CR1: variants seen among roughly 807,000 people sequenced by gnomAD.
CR1 encodes complement receptor type 1.
In CR1, 116 loss-of-function variants were observed where a neutral mutation model predicts 187.3. That is an observed-to-expected ratio of 0.62 (90% CI 0.53 to 0.72). CR1 has a LOEUF of 0.72. CR1 is among the 30% of genes least tolerant of loss of function. CR1 has a pLI of 0.00. For synonymous variants in CR1, 576 were observed against 747.1 expected (o/e 0.77, Z 3.73); for missense variants, 1,731 against 2,110.7 (o/e 0.82, Z 3.52).
intron 5 of CR1, among the ~76,000 whole-genome samples, chr1:207,526,330 A>G (rs1272654892): frequency 3.8e-4 from 58 of 151,076 alleles, no homozygotes; most frequent in South Asian, 1.7e-3. Context: ...CTATTAGATG[A>G]GACATGGGCA....
chr1:207,515,048 T>C (rs894157066), intron 4 of CR1, among the ~76,000 whole-genome samples: 3 of 147,802 alleles, frequency 2.0e-5, no homozygotes, highest in African/African-American at 7.4e-5. Flanking sequence ...TATACTTATA[T>C]GTATATATGT....
intron 23 of CR1, 89 bp downstream of exon 23, chr1:207,564,323 A>T: frequency 6.3e-7 from 1 of 1,575,536 alleles, no homozygotes; most frequent in South Asian, 1.1e-5. Flanking sequence ...GCTTAAAAGA[A>T]AGACACACAC....
chr1:207,513,588 C>G (rs779815556), intron 4 of CR1, among the ~76,000 whole-genome samples: 2 of 152,212 alleles, frequency 1.3e-5, no homozygotes, highest in Non-Finnish European at 2.9e-5. Flanking sequence ...TGCTATAACC[C>G]TAGTCCAGAA....
intron 25 of CR1, among the ~76,000 whole-genome samples, chr1:207,568,351 G>GA (rs1660572779): frequency 9.1e-6 from 1 of 110,392 alleles, no homozygotes; most frequent in Non-Finnish European, 1.7e-5. Flanking sequence ...ATCTGACCTA[G>GA]AAAATCGGTG....
At chr1:207,619,376 C>CAAAAAAAAAAAAAAA (rs67078800) in intron 42 of CR1, among the ~76,000 whole-genome samples, 13 of 92,642 alleles carry the variant, frequency 1.4e-4, no homozygotes, top group East Asian at 3.3e-4. Flanking sequence ...CAGTGAGACT[C>CAAAAAAAAAAAAAAA]AAAAAAAAAA....
chr1:207,581,327 T>TATG (rs1660942192), intron 31 of CR1, among the ~76,000 whole-genome samples: 9 of 142,888 alleles, frequency 6.3e-5, no homozygotes, highest in African/African-American at 2.1e-4. Flanking sequence ...TACGTATACA[T>TATG]GTACATGTGT....
chr1:207,587,310 C>G, intron 33 of CR1, 76 bp from the exon 34 acceptor site: 1 of 1,285,760 alleles, frequency 7.8e-7, no homozygotes, highest in Non-Finnish European at 1.1e-6. Context: ...CACCTATCAG[C>G]TTAATTGAAG....
intron 29 of CR1, among the ~76,000 whole-genome samples, chr1:207,579,079 G>C (rs1345091939): frequency 6.6e-6 from 1 of 152,176 alleles, no homozygotes; most frequent in Non-Finnish European, 1.5e-5. Context: ...GTATAGATTA[G>C]GTTGATGTTA....
At chr1:207,630,496 A>AT in intron 45 of CR1, 21 bp from the exon 46 acceptor site, 8 of 1,491,094 alleles carry the variant, frequency 5.4e-6, no homozygotes, top group East Asian at 4.6e-5. Flanking sequence ...CAGTTTTTCT[A>AT]TTTTTTTCTC....
At chr1:207,576,656 A>T (rs1478449647) in intron 28 of CR1, among the ~76,000 whole-genome samples, 3 of 152,092 alleles carry the variant, frequency 2.0e-5, no homozygotes, top group Non-Finnish European at 4.4e-5. Flanking sequence ...TGTCTCTACA[A>T]AAAATACAAA....
In CR1 at chr1:207,567,924, C is replaced by T. The variant is rs761866338; in HGVS notation, c.4053C>T (p.Asp1351=). The T allele has an allele frequency of 4.3e-6, 7 of 1,610,538 alleles. 1 individual carries two copies. Among genetic ancestry groups the T allele is most frequent in the African/African-American group, 4.2e-5 (3 of 72,070 alleles). ...GAAAAGCAGTAAATTACACATGCGA[C>T]CCCCACCCAGACAGAGGGACGAGCT... is the stretch of plus-strand genomic sequence containing the variant. ...PFGKAVNYTC[D]PHPDRGTSFD... Residue 1351 remains aspartate, a synonymous_variant, in exon 25 of 47, where the codon GAC becomes GAT. Coordinates refer to ENST00000367049, the MANE Select transcript of CR1 (RefSeq NM_000651.6).
rs185035775 is a variant in CR1 at position 207,628,837 on chromosome 1, G to A, written c.7353-1680G>A. On this transcript the variant is annotated intron_variant, in intron 45 of 46. Coordinates refer to ENST00000367049, the MANE Select transcript of CR1 (RefSeq NM_000651.6). ...TGAACCAGTATCTTTCTAGAGAACC[G>A]TATGCAATCTCTACTTTTTTTACTC... Among the ~76,000 whole-genome samples the A allele has an allele frequency of 3.4e-4, 51 of 152,028 alleles. 1 individual carries two copies. The highest frequency in any genetic ancestry group is 1.2e-3 in the African/African-American group (48 of 41,466).
chr1:207,574,107 G>A (rs1660661172), intron 27 of CR1, among the ~76,000 whole-genome samples: 1 of 152,154 alleles, frequency 6.6e-6, no homozygotes, highest in Admixed American at 6.5e-5. Flanking sequence ...ACTCCAGCCT[G>A]GATGACAGAA....
intron 45 of CR1, among the ~76,000 whole-genome samples, chr1:207,624,905 A>C (rs534215177): frequency 6.6e-6 from 1 of 152,292 alleles, no homozygotes; most frequent in Admixed American, 6.5e-5. Context: ...AGTTAAAACC[A>C]CACAGGGGAA....
rs1430389370 is a variant in CR1 at position 207,641,276 on chromosome 1, T to C, written c.*1867T>C. The C allele has an allele frequency of 2.6e-5, 4 of 151,682 alleles. No homozygotes were observed. Among genetic ancestry groups the C allele is most frequent in the African/African-American group, 9.7e-5 (4 of 41,418 alleles). The allele number at this position is 151,682 out of a possible 1,614,324, so 9.4% of individuals were successfully genotyped here. ...ATTACAAGAAAAAAAAATCCTGTGT[T>C]CTTTTTTTTTTCCAGAATGGAGTAG... On this transcript the variant is annotated 3_prime_UTR_variant, in exon 47 of 47. Coordinates refer to ENST00000367049, the MANE Select transcript of CR1 (RefSeq NM_000651.6).
chr1:207,496,318 C>G lies in CR1; in HGVS notation c.51C>G (p.Pro17=), dbSNP rs765951976. ...RSPEPVGPPA[P]GLPFCCGGSL... ...CGGAGCCTGTCGGGCCGCCGGCGCC[C>G]GGTCTCCCCTTCTGCTGCGGAGGAT... Residue 17 remains proline, a synonymous_variant, in exon 1 of 47, where the codon CCC becomes CCG. Coordinates refer to ENST00000367049, the MANE Select transcript of CR1 (RefSeq NM_000651.6). 6 of 1,613,612 alleles carry G rather than the reference C, an allele frequency of 3.7e-6. No individual in the cohort carries two copies. In the South Asian group the frequency reaches 5.5e-5, roughly 15 times the overall value.
At chr1:207,596,965 T>C (rs1357605795) in intron 35 of CR1, among the ~76,000 whole-genome samples, 2 of 149,118 alleles carry the variant, frequency 1.3e-5, no homozygotes, top group Non-Finnish European at 3.0e-5. Flanking sequence ...ATCCCCTACA[T>C]AGTATAAGTT....
intron 29 of CR1, among the ~76,000 whole-genome samples, chr1:207,579,505 G>T (rs1483064330): frequency 6.6e-6 from 1 of 152,170 alleles, no homozygotes; most frequent in Non-Finnish European, 1.5e-5. Flanking sequence ...CCAGCAGATG[G>T]CGATGAAAGC....
chr1:207,544,788 G>T (rs1660265240), intron 13 of CR1, among the ~76,000 whole-genome samples: 3 of 144,960 alleles, frequency 2.1e-5, no homozygotes, highest in Admixed American at 2.0e-4. Flanking sequence ...CCTATGTCAG[G>T]TGGCCGCTGA....
Sources: allele counts gnomAD v4.1 joint callset (sites outside exome capture counted in the v4.1 genomes callset), GRCh38; gene constraint gnomAD v4.1.1; transcripts MANE v1.5; gene names NCBI Gene and HGNC (gene_info 2026-07-23, HGNC 2026-07-21).